FAM184A: variants seen among roughly 807,000 people sequenced by gnomAD.
FAM184A encodes the protein family with sequence similarity 184 member A.
A neutral mutation model predicts 143.8 loss-of-function variants in FAM184A; 99 were observed. That is an observed-to-expected ratio of 0.69 (90% CI 0.58 to 0.81). The LOEUF (loss-of-function observed/expected upper bound fraction) is 0.81, where lower values mean the gene tolerates loss of function less well. FAM184A is among the 40% of genes least tolerant of loss of function. The probability of loss-of-function intolerance (pLI) is 0.00; values close to 1 mark genes in which losing one functional copy is unlikely to be tolerated. For synonymous variants in FAM184A, 427 were observed against 446.4 expected (o/e 0.96, Z 0.55); for missense variants, 1,217 against 1,310.5 (o/e 0.93, Z 1.10).
intron 1 of FAM184A, among the ~76,000 whole-genome samples, chr6:119,056,597 G>A (rs1381583070): frequency 6.6e-6 from 1 of 152,046 alleles, no homozygotes; most frequent in Non-Finnish European, 1.5e-5. Flanking sequence ...TCCTCAAGTA[G>A]CTCCAAAGAC....
At chr6:119,064,383 T>C (rs538021055) in intron 1 of FAM184A, among the ~76,000 whole-genome samples, 32 of 152,318 alleles carry the variant, frequency 2.1e-4, no homozygotes, top group African/African-American at 7.5e-4. Context: ...AAGGACTGCA[T>C]AGGACTTTCA....
At chr6:119,146,653 A>G (rs1582655724) in intron 1 of FAM184A, among the ~76,000 whole-genome samples, 1 of 152,276 alleles carries the variant, frequency 6.6e-6, no homozygotes, top group Non-Finnish European at 1.5e-5. Context: ...CAGTTTTGCT[A>G]TAACTAGGGT....
At chr6:119,051,117 C>T (rs1582556903) in intron 1 of FAM184A, among the ~76,000 whole-genome samples, 1 of 136,236 alleles carries the variant, frequency 7.3e-6, no homozygotes, top group Non-Finnish European at 1.6e-5. Flanking sequence ...ACATAACAAA[C>T]TCACACATGT....
intron 1 of FAM184A, among the ~76,000 whole-genome samples, chr6:119,125,744 T>G (rs1395436756): frequency 1.3e-5 from 2 of 152,136 alleles, no homozygotes; most frequent in African/African-American, 4.8e-5. Context: ...GACCAATAGG[T>G]CAACTTTCTG....
chr6:119,061,998 C>T (rs1263864675), intron 1 of FAM184A, among the ~76,000 whole-genome samples: 1 of 152,014 alleles, frequency 6.6e-6, no homozygotes, highest in East Asian at 1.9e-4. Flanking sequence ...GGGATCCAGG[C>T]AGACAGAGGT....
At chr6:119,051,744 T>C (rs1405877663) in intron 1 of FAM184A, among the ~76,000 whole-genome samples, 3 of 152,016 alleles carry the variant, frequency 2.0e-5, no homozygotes, top group Non-Finnish European at 4.4e-5. Flanking sequence ...AAGTAAGAGG[T>C]AAAATAAGAG....
chr6:119,004,281 C>T (rs1427533176), intron 7 of FAM184A, among the ~76,000 whole-genome samples: 1 of 152,182 alleles, frequency 6.6e-6, no homozygotes, highest in African/African-American at 2.4e-5. Flanking sequence ...GGACACAAGG[C>T]AGAAGAGGAG....
chr6:118,998,290 G>T (rs1016428821), intron 9 of FAM184A, among the ~76,000 whole-genome samples: 1 of 152,204 alleles, frequency 6.6e-6, no homozygotes, highest in African/African-American at 2.4e-5. Context: ...GGTCCTAATT[G>T]GGCAGAATTA....
At chr6:119,027,013 A>G (rs1407787580) in intron 1 of FAM184A, among the ~76,000 whole-genome samples, 5 of 152,124 alleles carry the variant, frequency 3.3e-5, no homozygotes, top group Non-Finnish European at 7.4e-5. Flanking sequence ...CCTCATCTAC[A>G]TGACAAGAAC....
At chr6:118,989,332 A>C (rs1186393951) in intron 9 of FAM184A, among the ~76,000 whole-genome samples, 1 of 152,164 alleles carries the variant, frequency 6.6e-6, no homozygotes, top group African/African-American at 2.4e-5. Flanking sequence ...ATATGGGGGA[A>C]ATGAAAATAT....
intron 1 of FAM184A, among the ~76,000 whole-genome samples, chr6:119,027,790 G>A (rs977295555): frequency 2.0e-5 from 3 of 152,142 alleles, no homozygotes; most frequent in Non-Finnish European, 4.4e-5. Context: ...CTCCAGATAA[G>A]GGGGAAATGA....
intron 1 of FAM184A, among the ~76,000 whole-genome samples, chr6:119,069,520 T>C (rs1318291762): frequency 6.6e-6 from 1 of 152,172 alleles, no homozygotes; most frequent in Non-Finnish European, 1.5e-5. Context: ...CCAAGGCCAA[T>C]GTCTAGAATT....
intron 1 of FAM184A, among the ~76,000 whole-genome samples, chr6:119,034,020 ATATAT>A (rs1229875387): frequency 1.9e-5 from 1 of 51,576 alleles, no homozygotes; most frequent in East Asian, 1.3e-3. Context: ...AAAAAAAAAA[ATATAT>A]ATATATATAT....
At chr6:119,107,116 G>A (rs1294613645) in intron 1 of FAM184A, among the ~76,000 whole-genome samples, 1 of 152,170 alleles carries the variant, frequency 6.6e-6, no homozygotes, top group Non-Finnish European at 1.5e-5. Flanking sequence ...CACTTAATGT[G>A]TAGTAAACAT....
At chr6:119,047,325 T>A (rs1231109980) in intron 1 of FAM184A, among the ~76,000 whole-genome samples, 1 of 152,136 alleles carries the variant, frequency 6.6e-6, no homozygotes. Context: ...GTTTGGAGGT[T>A]CCTCAAAAAA....
intron 1 of FAM184A, among the ~76,000 whole-genome samples, chr6:119,027,814 G>A (rs1287359515): frequency 6.6e-6 from 1 of 152,118 alleles, no homozygotes; most frequent in East Asian, 1.9e-4. Flanking sequence ...CTAAATTTTA[G>A]CTATTACCCT....
intron 1 of FAM184A, among the ~76,000 whole-genome samples, chr6:119,066,650 A>G (rs915612045): frequency 6.6e-6 from 1 of 152,226 alleles, no homozygotes; most frequent in Admixed American, 6.5e-5. Flanking sequence ...GAGCAATATT[A>G]TAGTAATGAG....
At chr6:119,044,000 A>C (rs1786435829) in intron 1 of FAM184A, among the ~76,000 whole-genome samples, 1 of 152,192 alleles carries the variant, frequency 6.6e-6, no homozygotes, top group African/African-American at 2.4e-5. Context: ...AAAACAATAA[A>C]GATTAGAGTA....
chr6:119,136,090 AACAAG>A (rs1789653242), intron 1 of FAM184A, among the ~76,000 whole-genome samples: 1 of 149,560 alleles, frequency 6.7e-6, no homozygotes, highest in African/African-American at 2.4e-5. Flanking sequence ...CATCCTGGCT[AACAAG>A]GTGAAACCCC....
Sources: gnomAD v4.1 joint callset for allele counts (sites outside exome capture counted in the v4.1 genomes callset) on GRCh38, gnomAD v4.1.1 for gene constraint, MANE v1.5 for transcripts, NCBI Gene and HGNC (gene_info 2026-07-23, HGNC 2026-07-21) for gene names.